Variants in RNF220 observed in about 807,000 individuals in gnomAD.
RNF220 encodes E3 ubiquitin-protein ligase RNF220.
In RNF220, 7 loss-of-function variants were observed where a neutral mutation model predicts 67.1. The observed-to-expected ratio is 0.10, with a 90% CI of 0.06 to 0.20. The LOEUF (loss-of-function observed/expected upper bound fraction) is 0.20. RNF220 is among the 10% of genes least tolerant of loss of function. The pLI is 1.00. For synonymous variants in RNF220, 270 were observed against 283.2 expected (o/e 0.95, Z 0.47); for missense variants, 565 against 740.3 (o/e 0.76, Z 2.75).
chr1:44,647,565 TCATGGACCCTA>T (rs1464884038), intron 12 of RNF220, among the ~76,000 whole-genome samples: 1 of 152,096 alleles, frequency 6.6e-6, no homozygotes, highest in East Asian at 1.9e-4. Context: ...GCAGAGGGAA[TCATGGACCCTA>T]GGGTGATGGA....
chr1:44,422,489 A>G (rs1212052958), intron 2 of RNF220, among the ~76,000 whole-genome samples: 3 of 152,198 alleles, frequency 2.0e-5, no homozygotes, highest in Non-Finnish European at 4.4e-5. Flanking sequence ...TCCTAACCAC[A>G]GAGATGCTTC....
Position 44,459,806 on chromosome 1 carries a change from A to G in RNF220, c.625+47084A>G, listed in dbSNP as rs116265568. Among the ~76,000 whole-genome samples the G allele has an allele frequency of 7.5e-3, 1,145 of 152,306 alleles. 16 individuals carry two copies. The highest frequency in any genetic ancestry group is 0.026 in the African/African-American group (1,086 of 41,556). ...TCAGGAAGGAGTGATTATGGATGTC[A>G]AGTGTATTAAAGAGGTGAGGTCAGA... is the stretch of plus-strand genomic sequence containing the variant. On this transcript the variant is annotated intron_variant, in intron 2 of 14. Coordinates refer to ENST00000361799, the MANE Select transcript of RNF220 (RefSeq NM_018150.4).
chr1:44,627,162 T>G (rs1393460681), intron 5 of RNF220: 1 of 146,908 alleles, frequency 6.8e-6, no homozygotes, highest in Non-Finnish European at 1.5e-5. Flanking sequence ...CTGGCCAACA[T>G]GGTGAAACCC....
chr1:44,625,864 T>A (rs1643923887), intron 4 of RNF220, among the ~76,000 whole-genome samples: 1 of 152,078 alleles, frequency 6.6e-6, no homozygotes, highest in African/African-American at 2.4e-5. Flanking sequence ...GAAACTCACA[T>A]GCTATTTAAT....
In RNF220 at chr1:44,649,557, AG is replaced by A; in HGVS notation, c.1446-100del. ...AGAAAGGGGGCAGGCAGGGATGCCT[AG>A]GGGACATTTATGTATTTGGTTCTGG... On this transcript the variant is annotated intron_variant, in intron 12 of 14. Transcript: ENST00000361799. This position sits in a 1 kb window ranked among gnomAD's most constrained non-coding sequence, Gnocchi z 5.9. 2 of 1,041,770 alleles carry A rather than the reference AG, an allele frequency of 1.9e-6. No individual in the cohort carries two copies. Among genetic ancestry groups the A allele is most frequent in the Middle Eastern group, 2.1e-4 (1 of 4,820 alleles). 64.5% of individuals were successfully genotyped at this position (1,041,770 alleles called of 1,614,324 possible). A position where few individuals can be genotyped will look rare whatever the true frequency, so the allele number is the denominator to read the frequency against.
chr1:44,473,836 G>A (rs1292900379), intron 2 of RNF220, among the ~76,000 whole-genome samples: 1 of 152,042 alleles, frequency 6.6e-6, no homozygotes, highest in Non-Finnish European at 1.5e-5. Context: ...TGATGCCCAC[G>A]ACATACTATT....
intron 2 of RNF220, among the ~76,000 whole-genome samples, chr1:44,517,208 C>T (rs1447809914): frequency 6.6e-6 from 1 of 152,144 alleles, no homozygotes; most frequent in African/African-American, 2.4e-5. Flanking sequence ...CCATTCTAGC[C>T]TCTCCACCTG....
chr1:44,577,838 CTT>C (rs35754102), intron 2 of RNF220, among the ~76,000 whole-genome samples: 36 of 140,294 alleles, frequency 2.6e-4, no homozygotes, highest in African/African-American at 2.6e-4. Context: ...TGTCAAATGC[CTT>C]TTTTTTTTTT....
intron 2 of RNF220, among the ~76,000 whole-genome samples, chr1:44,526,590 ACTC>A (rs767607247): frequency 2.0e-5 from 3 of 150,682 alleles, no homozygotes; most frequent in African/African-American, 7.3e-5. Flanking sequence ...TGGGCCCATC[ACTC>A]CTCCTCCTTC....
intron 2 of RNF220, among the ~76,000 whole-genome samples, chr1:44,518,150 G>C (rs1001169143): frequency 1.1e-4 from 16 of 152,116 alleles, no homozygotes; most frequent in African/African-American, 3.6e-4. Flanking sequence ...TCTAGGCTGG[G>C]TGTGGTGGCT....
At chr1:44,633,751 A>G (rs1346946699) in intron 6 of RNF220, among the ~76,000 whole-genome samples, 1 of 152,180 alleles carries the variant, frequency 6.6e-6, no homozygotes, top group Non-Finnish European at 1.5e-5. Flanking sequence ...TAGGCATGGT[A>G]GGGAGGAAGC....
intron 2 of RNF220, among the ~76,000 whole-genome samples, chr1:44,483,598 G>A (rs1293338391): frequency 2.0e-5 from 3 of 151,980 alleles, no homozygotes; most frequent in Non-Finnish European, 2.9e-5. Flanking sequence ...TCCAGACCTT[G>A]AAGAACTCCT....
At chr1:44,434,183 C>A (rs1650705688) in intron 2 of RNF220, among the ~76,000 whole-genome samples, 1 of 151,788 alleles carries the variant, frequency 6.6e-6, no homozygotes, top group Admixed American at 6.6e-5. Context: ...GAGCCAGGCA[C>A]AACTATGTAA....
chr1:44,546,376 A>G (rs942162753), intron 2 of RNF220, among the ~76,000 whole-genome samples: 4 of 152,132 alleles, frequency 2.6e-5, no homozygotes, highest in Non-Finnish European at 5.9e-5. Flanking sequence ...AACATCTGAG[A>G]GCAGGAGCCA....
At chr1:44,576,246 G>C (rs994439651) in intron 2 of RNF220, among the ~76,000 whole-genome samples, 4 of 152,190 alleles carry the variant, frequency 2.6e-5, no homozygotes. Context: ...ATAAGGCAGA[G>C]ATTAGTTCCC....
At chr1:44,431,882 C>T (rs1280753616) in intron 2 of RNF220, among the ~76,000 whole-genome samples, 1 of 152,188 alleles carries the variant, frequency 6.6e-6, no homozygotes, top group Non-Finnish European at 1.5e-5. Context: ...AGGCATTTTC[C>T]CTTTGAATTA....
At chr1:44,507,677 G>C (rs530794021) in intron 2 of RNF220, among the ~76,000 whole-genome samples, 23 of 152,154 alleles carry the variant, frequency 1.5e-4, no homozygotes, top group Non-Finnish European at 2.6e-4. Context: ...GGACGCAGAG[G>C]GGGGTACGGA....
chr1:44,524,633 C>T (rs928278996), intron 2 of RNF220, among the ~76,000 whole-genome samples: 1 of 152,216 alleles, frequency 6.6e-6, no homozygotes, highest in African/African-American at 2.4e-5. Context: ...TCCTCTGTCT[C>T]TCTCTATTTT....
chr1:44,499,842 A>G (rs1413481712), intron 2 of RNF220, among the ~76,000 whole-genome samples: 1 of 145,702 alleles, frequency 6.9e-6, no homozygotes, highest in Admixed American at 6.6e-5. Context: ...TCAAATGATT[A>G]TGTCCTTTAT....
Sources: gnomAD v4.1 joint callset for allele counts (sites outside exome capture counted in the v4.1 genomes callset) on GRCh38, gnomAD v4.1.1 for gene constraint, Gnocchi (gnomAD v3.1) non-coding constraint, MANE v1.5 for transcripts, NCBI Gene and HGNC (gene_info 2026-07-23, HGNC 2026-07-21) for gene names.